The following IGSF9 variants were observed in gnomAD, a reference collection of about 807,000 sequenced individuals.
The protein encoded by IGSF9 is immunoglobulin superfamily member 9.
Under a neutral mutation model 121.7 loss-of-function variants are expected in IGSF9, and 87 were observed. The observed-to-expected ratio is 0.71, with a 90% CI of 0.60 to 0.85. The LOEUF (loss-of-function observed/expected upper bound fraction) is 0.85. Ranked by LOEUF, IGSF9 falls within the 40% of genes least tolerant of loss-of-function variation. The pLI, the probability that IGSF9 is intolerant of heterozygous loss-of-function variation, is 0.00. For missense variants in IGSF9, 1,462 were observed against 1,565.3 expected (o/e 0.93, Z 1.11); for synonymous variants, 640 against 648.4 (o/e 0.99, Z 0.20).
chr1:159,931,375 A>G lies in IGSF9; in HGVS notation c.1513+78T>C, dbSNP rs1650991414. The G allele has an allele frequency of 6.3e-7, 1 of 1,597,854 alleles. No individual in the cohort carries two copies. Among genetic ancestry groups the G allele is most frequent in the Non-Finnish European group, 8.5e-7 (1 of 1,169,784 alleles). ...TCATCATCCCAGGGGTCCCACACCCATGATCCTCTTTCTGGGCCTCCAAAA... is the reference window on the plus strand; with the variant it reads ...TCATCATCCCAGGGGTCCCACACCCGTGATCCTCTTTCTGGGCCTCCAAAA... On this transcript the variant is annotated intron_variant, in intron 12 of 20. Coordinates refer to ENST00000368094, the MANE Select transcript of IGSF9 (RefSeq NM_001135050.2). The surrounding 1 kb of genome is among the most constrained non-coding windows in gnomAD (Gnocchi z 4.8).
chr1:159,933,874 G>A (rs1181859538), intron 9 of IGSF9: 14 of 383,376 alleles, frequency 3.7e-5, no homozygotes, highest in Middle Eastern at 7.9e-4. Flanking sequence ...GTGTTCCCCC[G>A]GGACACACAA....
chr1:159,934,551 G>C lies in IGSF9; in HGVS notation c.835C>G (p.Arg279Gly), dbSNP rs766044557. 2 of 1,613,696 alleles carry C rather than the reference G, an allele frequency of 1.2e-6. No homozygotes were observed. The highest frequency in any genetic ancestry group is 1.3e-5 in the African/African-American group (1 of 74,920). ...CGCAGGCTCCCGTCCACCAGGATCC[G>C]CACCCGGGGCTGCAGGCGGCTGCAA... is the stretch of plus-strand genomic sequence containing the variant. ...FHISRLQPRVRILVDGSLRLL... is the reference protein window; with the variant it reads ...FHISRLQPRVGILVDGSLRLL... Residue 279 changes from arginine (R) to glycine (G), a missense_variant, in exon 8 of 21, where the codon CGG (arginine) becomes GGG (glycine). Physicochemically the swap from Arg to Gly is moderately radical, Grantham distance 125 (BLOSUM62 -2). Transcript: ENST00000368094.
chr1:159,937,477 A>G (rs886418960), intron 4 of IGSF9, among the ~76,000 whole-genome samples: 2 of 152,030 alleles, frequency 1.3e-5, no homozygotes, highest in Middle Eastern at 3.2e-3. Context: ...GATTGAATTT[A>G]TATTTGAAGA....
chr1:159,938,317 G>A (rs1235681176), intron 3 of IGSF9, among the ~76,000 whole-genome samples: 2 of 152,176 alleles, frequency 1.3e-5, no homozygotes, highest in South Asian at 4.1e-4. Flanking sequence ...GACCCCGCCT[G>A]CCAAAGCCCC....
At chr1:159,933,391 C>A (rs1290124990) in intron 9 of IGSF9, 1 of 152,218 alleles carries the variant, frequency 6.6e-6, no homozygotes, top group East Asian at 1.9e-4. Context: ...TGTAGAAGCC[C>A]CAGGTACACT....
At position 159,932,855 on chromosome 1, in the gene IGSF9, G is replaced by A. The variant is rs1240360002; in HGVS notation, c.1105-203C>T. 2 of 546,840 alleles carry A rather than the reference G, an allele frequency of 3.7e-6. No individual in the cohort carries two copies. The highest frequency in any genetic ancestry group is 6.4e-6 in the Non-Finnish European group (2 of 314,536). 33.9% of individuals were successfully genotyped at this position (546,840 alleles called of 1,614,324 possible). ...GGACCCCTCCCAATAGTGTGAGGCT[G>A]TGACTGCACAACTCCAGGGGGTGCC... On this transcript the variant is annotated intron_variant, in intron 9 of 20. Transcript: ENST00000368094. The surrounding 1 kb of genome is among the most constrained non-coding windows in gnomAD (Gnocchi z 4.1).
chr1:159,928,607 C>A lies in IGSF9; in HGVS notation c.2781G>T (p.Leu927=). 1 of 1,500,782 alleles carries A rather than the reference C, an allele frequency of 6.7e-7. No individual in the cohort carries two copies. Among genetic ancestry groups the A allele is most frequent in the Non-Finnish European group, 8.9e-7 (1 of 1,123,158 alleles). The allele number at this position is 1,500,782 out of a possible 1,614,324, so 93.0% of individuals were successfully genotyped here. A position where few individuals can be genotyped will look rare whatever the true frequency, so the allele number is the denominator to read the frequency against. Residue 927 remains leucine (L), a synonymous_variant, in exon 19 of 21, where the codon CTG becomes CTT. Transcript: ENST00000368094. ...LPGPGPLLQY[L]SLPFFREMNV... ...TCATCTCTCGGAAGAAGGGCAGGCT[C>A]AGGTACTGGAGCAGGGGTCCAGGAC...
At position 159,928,277 on chromosome 1, in the gene IGSF9, G is replaced by A. The variant is rs1250251203; in HGVS notation, c.3111C>T (p.Pro1037=). 2 of 1,612,924 alleles carry A rather than the reference G, an allele frequency of 1.2e-6. No individual in the cohort carries two copies. The highest frequency in any genetic ancestry group is 1.7e-5 in the Admixed American group (1 of 60,000). The change falls in exon 19 of 21, where the codon CCC becomes CCT. Residue 1037 remains proline (P), a synonymous_variant. Transcript: ENST00000368094. ...GRGSASFLRP[P]STAPSAGGSY... ...TGCCTCCTGCAGAGGGGGCTGTGGAGGGGGGCCGCAGGAACGAAGCGCTGC... is the reference window on the plus strand; with the variant it reads ...TGCCTCCTGCAGAGGGGGCTGTGGAAGGGGGCCGCAGGAACGAAGCGCTGC...
At chr1:159,939,991 C>A (rs1342929234) in intron 3 of IGSF9, among the ~76,000 whole-genome samples, 1 of 152,204 alleles carries the variant, frequency 6.6e-6, no homozygotes, top group Non-Finnish European at 1.5e-5. Context: ...TGATACTTTT[C>A]ATTATAGCTC....
Position 159,932,273 on chromosome 1 carries a change from G to A in IGSF9, c.1245+239C>T, listed in dbSNP as rs982769245. 16 of 588,724 alleles carry A rather than the reference G, an allele frequency of 2.7e-5. No homozygotes were observed. The highest frequency in any genetic ancestry group is 4.5e-5 in the Non-Finnish European group (15 of 331,224). 36.5% of individuals were successfully genotyped at this position (588,724 alleles called of 1,614,324 possible). ...ACGGTCAAGGTTAGTGAGAGTTGGG[G>A]CAAACAGGATATCTTACTTCTGGAT... On this transcript the variant is annotated intron_variant, in intron 10 of 20. Coordinates refer to ENST00000368094, the MANE Select transcript of IGSF9 (RefSeq NM_001135050.2). This position sits in a 1 kb window ranked among gnomAD's most constrained non-coding sequence, Gnocchi z 4.1.
chr1:159,929,911 G>A lies in IGSF9; in HGVS notation c.2129C>T (p.Thr710Met), dbSNP rs775799496. The A allele has an allele frequency of 8.9e-6, 14 of 1,576,354 alleles. No homozygotes were observed. The highest frequency in any genetic ancestry group is 1.0e-5 in the Non-Finnish European group (12 of 1,161,588). The change falls in exon 16 of 21, where the codon ACG (threonine) becomes ATG (methionine). Residue 710 changes from threonine to methionine, a missense_variant. Thr to Met is a moderately conservative substitution (Grantham distance 81). Coordinates refer to ENST00000368094, the MANE Select transcript of IGSF9 (RefSeq NM_001135050.2). Reference protein sequence around the residue: ...AGSFVSDPSNTANVSTSGLEV... With the variant: ...AGSFVSDPSNMANVSTSGLEV... ...CTCACCGGAAGTGGAGACGTTGGCCGTGTTGCTGGGGTCGCTGACGAAGCT... is the reference window on the plus strand; with the variant it reads ...CTCACCGGAAGTGGAGACGTTGGCCATGTTGCTGGGGTCGCTGACGAAGCT...
intron 6 of IGSF9, among the ~76,000 whole-genome samples, chr1:159,935,287 A>AG (rs747301156): frequency 2.4e-4 from 36 of 152,188 alleles, no homozygotes; most frequent in African/African-American, 7.2e-4. Flanking sequence ...CTTGAGCCAC[A>AG]GAACACTTCT....
In IGSF9 at chr1:159,934,785, T is replaced by C. The variant is rs748377202; in HGVS notation, c.711A>G (p.Thr237=). Residue 237 remains threonine, a synonymous_variant, in exon 7 of 21, where the codon ACA becomes ACG. Transcript: ENST00000368094. ...ATGAAACATCCTGGGAGGCATTGAC[T>C]GTGCTGTTCTTGGGGGGCACCACGA... ...PVIVVPPKNS[T]VNASQDVSLA... is the part of the protein sequence containing the mutation. 4 of 1,614,058 alleles carry C rather than the reference T, an allele frequency of 2.5e-6. No homozygotes were observed. In the African/African-American group the frequency reaches 4.0e-5, roughly 16 times the overall value.
At position 159,928,704 on chromosome 1, in the gene IGSF9, G is replaced by T; in HGVS notation, c.2684C>A (p.Pro895His). 6.8e-7 allele frequency: 1 copy of T among 1,478,418 alleles called. No individual in the cohort carries two copies. The highest frequency in any genetic ancestry group is 1.4e-5 in the African/African-American group (1 of 70,926). The allele number at this position is 1,478,418 out of a possible 1,614,324, so 91.6% of individuals were successfully genotyped here. A position where few individuals can be genotyped will look rare whatever the true frequency, so the allele number is the denominator to read the frequency against. Residue 895 changes from proline to histidine, a missense_variant, in exon 19 of 21, where the codon CCC becomes CAC. Around this residue, in one of 3 missense-constraint regions of IGSF9, gnomAD observed 808 missense variants for 815.2 expected, o/e 0.99. Coordinates refer to ENST00000368094, the MANE Select transcript of IGSF9 (RefSeq NM_001135050.2). Reference protein sequence around the residue: ...DCSSSSPSGAPQPLCIEDISP... With the variant: ...DCSSSSPSGAHQPLCIEDISP... ...GATGTCTTCAATGCAGAGGGGCTGGGGTGCCCCACTGGGGCTGCTGCTGCT... is the reference window on the plus strand; with the variant it reads ...GATGTCTTCAATGCAGAGGGGCTGGTGTGCCCCACTGGGGCTGCTGCTGCT...
At chr1:159,941,953 C>G (rs74850648) in intron 3 of IGSF9, among the ~76,000 whole-genome samples, 1 of 152,264 alleles carries the variant, frequency 6.6e-6, no homozygotes, top group African/African-American at 2.4e-5. Flanking sequence ...ACCTCCTCCC[C>G]TCTCTGCTCA....
chr1:159,937,011 C>T (rs1199801440), intron 4 of IGSF9, 103 bp from the exon 5 acceptor site: 3 of 1,175,708 alleles, frequency 2.6e-6, no homozygotes, highest in African/African-American at 3.0e-5. Flanking sequence ...TGCTGCCCAC[C>T]CACCAGCCCT....
intron 15 of IGSF9, 27 bp from the exon 16 acceptor site, chr1:159,930,002 G>A: frequency 6.3e-7 from 1 of 1,592,986 alleles, no homozygotes; most frequent in Non-Finnish European, 8.5e-7. Context: ...GTACCAGGAG[G>A]GAGGTCAGGG....
In IGSF9 at chr1:159,930,377, G is replaced by A. The variant is rs764896937; in HGVS notation, c.1876C>T (p.Pro626Ser). 3.8e-6 allele frequency: 6 copies of A among 1,587,412 alleles called. No homozygotes were observed. The highest frequency in any genetic ancestry group is 2.2e-5 in the East Asian group (1 of 44,494). ...CTCACTGCCACCAGACCCCGCGGAG[G>A]GGACAGGGGAGGCGGTATCTCTGTT... ...PPTEIPPPLS[P>S]PRGLVAVRTP... is the part of the protein sequence containing the mutation. Residue 626 changes from proline to serine, a missense_variant, in exon 15 of 21, where the codon CCT becomes TCT. Transcript: ENST00000368094.
chr1:159,932,450 A>C lies in IGSF9; in HGVS notation c.1245+62T>G. On this transcript the variant is annotated intron_variant, in intron 10 of 20. Coordinates refer to ENST00000368094, the MANE Select transcript of IGSF9 (RefSeq NM_001135050.2). The surrounding 1 kb of genome is among the most constrained non-coding windows in gnomAD (Gnocchi z 4.1). ...ACCCCACCCCCATCAGCCTGGCCTT[A>C]GCACCATCTCCAGCCATCTGACCCA... The C allele has an allele frequency of 7.7e-7, 1 of 1,293,662 alleles. No homozygotes were observed. Among genetic ancestry groups the C allele is most frequent in the Middle Eastern group, 2.6e-4 (1 of 3,888 alleles). The allele number at this position is 1,293,662 out of a possible 1,614,324, so 80.1% of individuals were successfully genotyped here. A position where few individuals can be genotyped will look rare whatever the true frequency, so the allele number is the denominator to read the frequency against.
Sources: allele counts gnomAD v4.1 joint callset (sites outside exome capture counted in the v4.1 genomes callset), GRCh38; gene constraint gnomAD v4.1.1; regional missense constraint gnomAD v4.1.1; non-coding constraint Gnocchi (gnomAD v3.1); transcripts MANE v1.5; gene names NCBI Gene and HGNC (gene_info 2026-07-23, HGNC 2026-07-21).